The following PPARGC1A variants were observed in gnomAD, a reference collection of about 807,000 sequenced individuals.
The protein encoded by PPARGC1A is peroxisome proliferator-activated receptor gamma coactivator 1-alpha.
In PPARGC1A, 25 loss-of-function variants were observed where a neutral mutation model predicts 88.7. That is an observed-to-expected ratio of 0.28 (90% CI 0.21 to 0.39). The LOEUF is 0.39. Among genes scored for constraint, PPARGC1A ranks in the 10% least tolerant of loss-of-function variants. PPARGC1A has a pLI of 1.00. For missense variants in PPARGC1A, 880 were observed against 968.7 expected (o/e 0.91, Z 1.22); for synonymous variants, 363 against 355.6 (o/e 1.02, Z -0.24).
intron 1 of PPARGC1A, among the ~76,000 whole-genome samples, chr4:23,898,321 C>T (rs962584223): frequency 4.6e-5 from 7 of 152,144 alleles, no homozygotes; most frequent in Non-Finnish European, 1.0e-4. Context: ...TTTGTACATA[C>T]GACTCTATTG....
At chr4:24,067,582 C>G in the PPARGC1A span, among the ~76,000 whole-genome samples, 1 of 152,136 alleles carries the variant, frequency 6.6e-6, no homozygotes, top group South Asian at 2.1e-4. Flanking sequence ...AAGCATCGCA[C>G]GTGGCCAAGG....
chr4:24,424,262 T>TTTTTTTTTC, the PPARGC1A span, among the ~76,000 whole-genome samples: 1 of 49,038 alleles, frequency 2.0e-5, no homozygotes, highest in Non-Finnish European at 4.5e-5. Context: ...CACACACTTT[T>TTTTTTTTTC]TTTTTTTTTT....
chr4:23,896,942 T>C (rs1385060170), intron 1 of PPARGC1A, among the ~76,000 whole-genome samples: 5 of 152,118 alleles, frequency 3.3e-5, no homozygotes, highest in South Asian at 2.1e-4. Flanking sequence ...CCCGGTGACA[T>C]ACAAGTAAAT....
chr4:24,077,924 A>C, the PPARGC1A span, among the ~76,000 whole-genome samples: 1 of 151,352 alleles, frequency 6.6e-6, no homozygotes. Context: ...TTTCTAGTTC[A>C]TTAATTAATT....
At chr4:23,824,234 T>A in intron 7 of PPARGC1A, 46 bp downstream of exon 7, 1 of 1,490,944 alleles carries the variant, frequency 6.7e-7, no homozygotes, top group Non-Finnish European at 9.4e-7. Context: ...CACACACACA[T>A]ATACAGACAG....
chr4:23,999,782 G>A, the PPARGC1A span, among the ~76,000 whole-genome samples: 2 of 152,158 alleles, frequency 1.3e-5, no homozygotes, highest in African/African-American at 4.8e-5. Flanking sequence ...AAGGCACTCT[G>A]TGATGGGGAG....
the PPARGC1A span, among the ~76,000 whole-genome samples, chr4:24,095,363 C>T: frequency 6.6e-6 from 1 of 151,972 alleles, no homozygotes; most frequent in East Asian, 1.9e-4. Context: ...GTGATCTGCC[C>T]GCCTCAGCCT....
the PPARGC1A span, among the ~76,000 whole-genome samples, chr4:24,167,975 T>C: frequency 6.6e-6 from 1 of 152,104 alleles, no homozygotes; most frequent in Non-Finnish European, 1.5e-5. Flanking sequence ...CAAGCTGGTC[T>C]TGAACTCCTG....
At chr4:23,804,582 T>C (rs1293399247) in intron 10 of PPARGC1A, among the ~76,000 whole-genome samples, 1 of 152,208 alleles carries the variant, frequency 6.6e-6, no homozygotes, top group Non-Finnish European at 1.5e-5. Flanking sequence ...TGGCTTCTCA[T>C]AACTTTTAAT....
chr4:24,434,933 C>G, the PPARGC1A span, among the ~76,000 whole-genome samples: 1 of 152,170 alleles, frequency 6.6e-6, no homozygotes, highest in African/African-American at 2.4e-5. Context: ...TTTTCTCAGC[C>G]CTGGCACTTT....
At chr4:24,465,197 C>T in the PPARGC1A span, among the ~76,000 whole-genome samples, 1 of 152,126 alleles carries the variant, frequency 6.6e-6, no homozygotes, top group East Asian at 1.9e-4. Context: ...ATATAGTCAA[C>T]CCTTATTAAC....
chr4:23,844,293 T>C (rs1393184567), intron 2 of PPARGC1A, among the ~76,000 whole-genome samples: 1 of 107,026 alleles, frequency 9.3e-6, no homozygotes, highest in African/African-American at 3.9e-5. Context: ...CACAAGGCCA[T>C]GTGTACATGA....
At chr4:24,015,987 G>A in the PPARGC1A span, among the ~76,000 whole-genome samples, 1 of 152,180 alleles carries the variant, frequency 6.6e-6, no homozygotes, top group African/African-American at 2.4e-5. Context: ...AGCTGATAAA[G>A]CATGCACAAA....
At chr4:23,845,294 G>T (rs1728123074) in intron 2 of PPARGC1A, among the ~76,000 whole-genome samples, 1 of 151,986 alleles carries the variant, frequency 6.6e-6, no homozygotes, top group Non-Finnish European at 1.5e-5. Context: ...TAGTATATTT[G>T]CTGACAAAAA....
the PPARGC1A span, among the ~76,000 whole-genome samples, chr4:24,388,559 T>C: frequency 3.3e-5 from 5 of 152,146 alleles, no homozygotes; most frequent in Non-Finnish European, 7.4e-5. Flanking sequence ...AGCAAAAACT[T>C]GGAACCAACC....
the PPARGC1A span, among the ~76,000 whole-genome samples, chr4:24,183,142 A>G: frequency 1.3e-5 from 2 of 152,234 alleles, no homozygotes; most frequent in Non-Finnish European, 2.9e-5. Flanking sequence ...TAAAGCAGTT[A>G]TCAGAGTGCC....
At chr4:23,821,474 T>C (rs1723000779) in intron 7 of PPARGC1A, among the ~76,000 whole-genome samples, 1 of 151,460 alleles carries the variant, frequency 6.6e-6, no homozygotes, top group Non-Finnish European at 1.5e-5. Flanking sequence ...GTGAAAATAG[T>C]AGGGGGTGGG....
intron 12 of PPARGC1A, among the ~76,000 whole-genome samples, chr4:23,798,447 T>C (rs896476073): frequency 3.3e-5 from 5 of 152,142 alleles, no homozygotes; most frequent in Admixed American, 2.0e-4. Flanking sequence ...AAACCATGGT[T>C]GAAAATATTT....
chr4:24,024,318 C>G, the PPARGC1A span, among the ~76,000 whole-genome samples: 1 of 152,190 alleles, frequency 6.6e-6, no homozygotes, highest in Non-Finnish European at 1.5e-5. Flanking sequence ...AGTCAAGTCA[C>G]ACAGTGGGTG....
Sources: allele counts gnomAD v4.1 joint callset (sites outside exome capture counted in the v4.1 genomes callset), GRCh38; gene constraint gnomAD v4.1.1; transcripts MANE v1.5; gene names NCBI Gene and HGNC (gene_info 2026-07-23, HGNC 2026-07-21).